The following TRAPPC10 variants were observed in gnomAD, a reference collection of about 807,000 sequenced individuals.
TRAPPC10 encodes TRAPP 130 kDa subunit.
TRAPPC10 carries 23 observed loss-of-function variants against 125.5 expected under a neutral mutation model. The observed-to-expected ratio is 0.18, with a 90% CI of 0.13 to 0.26. TRAPPC10 has a LOEUF of 0.26. Ranked by LOEUF, TRAPPC10 falls within the 10% of genes least tolerant of loss-of-function variation. The pLI, the probability that TRAPPC10 is intolerant of heterozygous loss-of-function variation, is 1.00. For synonymous variants in TRAPPC10, 509 were observed against 518.0 expected, an observed-to-expected ratio of 0.98 and a Z score of 0.24; for missense variants, 1,123 against 1,308.4, an observed-to-expected ratio of 0.86 and a Z score of 2.19.
At chr21:44,024,076 G>A (rs900821227) in intron 1 of TRAPPC10, among the ~76,000 whole-genome samples, 2 of 152,204 alleles carry the variant, frequency 1.3e-5, no homozygotes, top group African/African-American at 2.4e-5. Context: ...GTGAGCCACC[G>A]CACCAGCCTA....
At position 44,045,846 on chromosome 21, in the gene TRAPPC10, G is replaced by A. The variant is rs891768593; in HGVS notation, c.286-6434G>A. ...GCTGGGATTACAGGCGTGAGCCACC[G>A]CACCGGGCCAAGATTTTTTTTCTTT... On this transcript the variant is annotated intron_variant, in intron 3 of 22. Coordinates refer to ENST00000291574, the MANE Select transcript of TRAPPC10 (RefSeq NM_003274.5). Among the ~76,000 whole-genome samples the A allele has an allele frequency of 1.6e-4, 24 of 152,182 alleles. No individual in the cohort carries two copies. In the East Asian group the frequency reaches 2.1e-3, roughly 13 times the overall value.
At position 44,087,457 on chromosome 21, in the gene TRAPPC10, C is replaced by T. The variant is rs531018973; in HGVS notation, c.2540-242C>T. On this transcript the variant is annotated intron_variant, in intron 16 of 22. Transcript: ENST00000291574. This position sits in a 1 kb window ranked among gnomAD's most constrained non-coding sequence, Gnocchi z 4.6. ...ACCTACACAGGACTTGGGTGGGCCC[C>T]GTGGGAAATGCCCTTTTCCTCTCTT... Among the ~76,000 whole-genome samples the T allele has an allele frequency of 1.1e-4, 16 of 152,316 alleles. No homozygotes were observed. Among genetic ancestry groups the T allele is most frequent in the South Asian group, 4.1e-4 (2 of 4,828 alleles).
At chr21:44,091,877 A>G (rs994669321) in intron 18 of TRAPPC10, 46 bp from the exon 19 acceptor site, 1 of 1,585,264 alleles carries the variant, frequency 6.3e-7, no homozygotes, top group Non-Finnish European at 8.6e-7. Flanking sequence ...TATATTTAAT[A>G]AAGTTCTTAC....
intron 3 of TRAPPC10, among the ~76,000 whole-genome samples, chr21:44,044,250 T>C (rs1183441451): frequency 6.6e-6 from 1 of 151,816 alleles, no homozygotes; most frequent in Non-Finnish European, 1.5e-5. Flanking sequence ...ACATTTTTAT[T>C]GTTAGCTTTA....
At chr21:44,091,631 G>T (rs1233128428) in intron 18 of TRAPPC10, 1 of 268,846 alleles carries the variant, frequency 3.7e-6, no homozygotes, top group Non-Finnish European at 7.3e-6. Context: ...GTAGAGATGG[G>T]GTTTCACCAT....
chr21:44,014,637 G>A (rs889692903), intron 1 of TRAPPC10, among the ~76,000 whole-genome samples: 11 of 148,808 alleles, frequency 7.4e-5, no homozygotes, highest in African/African-American at 2.5e-4. Context: ...CCATGTTGGT[G>A]AGGCTGGTCT....
intron 18 of TRAPPC10, 54 bp downstream of exon 18, chr21:44,089,987 T>A: frequency 7.2e-7 from 1 of 1,394,326 alleles, no homozygotes; most frequent in Non-Finnish European, 1.0e-6. Flanking sequence ...CTCTTCTAAG[T>A]GGAGGTTCCT....
intron 7 of TRAPPC10, among the ~76,000 whole-genome samples, chr21:44,074,104 A>T (rs935807321): frequency 1.3e-5 from 2 of 152,216 alleles, no homozygotes; most frequent in African/African-American, 2.4e-5. Flanking sequence ...AACACATTTG[A>T]ATATAGGTCA....
chr21:44,047,565 T>TGTGTGC (rs954810521), intron 3 of TRAPPC10, among the ~76,000 whole-genome samples: 135 of 147,204 alleles, frequency 9.2e-4, no homozygotes, highest in East Asian at 2.0e-3. Flanking sequence ...TGTGTGTGTG[T>TGTGTGC]GCGCGCACAC....
intron 7 of TRAPPC10, among the ~76,000 whole-genome samples, chr21:44,070,346 T>C (rs567362717): frequency 6.6e-6 from 1 of 152,372 alleles, no homozygotes; most frequent in South Asian, 2.1e-4. Context: ...TTAAGAAGTC[T>C]GTTATTCACA....
At position 44,047,565 on chromosome 21, in the gene TRAPPC10, TGC is replaced by T. The variant is rs58154844; in HGVS notation, c.286-4710_286-4709del. On this transcript the variant is annotated intron_variant, in intron 3 of 22. Coordinates refer to ENST00000291574, the MANE Select transcript of TRAPPC10 (RefSeq NM_003274.5). ...GTGTGTGTGTGTGTGTGTGTGTGTGTGCGCGCACACGCTACATGAAGTTCCAT... is the reference window on the plus strand; with the variant it reads ...GTGTGTGTGTGTGTGTGTGTGTGTGTGCGCACACGCTACATGAAGTTCCAT... Among the ~76,000 whole-genome samples the T allele has an allele frequency of 2.0e-3, 300 of 147,180 alleles. 1 individual carries two copies. Among genetic ancestry groups the T allele is most frequent in the African/African-American group, 7.2e-3 (278 of 38,704 alleles).
At position 44,075,305 on chromosome 21, in the gene TRAPPC10, A is replaced by G. The variant is rs1601763692; in HGVS notation, c.1300+152A>G. On this transcript the variant is annotated intron_variant, in intron 9 of 22. Coordinates refer to ENST00000291574, the MANE Select transcript of TRAPPC10 (RefSeq NM_003274.5). ...CATTGTTAGCTGACTGGATTAAAGC[A>G]CATGATAGTTTACCTTTTAACAGCA... The G allele has an allele frequency of 2.7e-5, 16 of 603,742 alleles. No individual in the cohort carries two copies. The East Asian group carries it at 4.4e-4, about 17-fold the overall frequency. The allele number at this position is 603,742 out of a possible 1,614,324, so 37.4% of individuals were successfully genotyped here. A position where few individuals can be genotyped will look rare whatever the true frequency, so the allele number is the denominator to read the frequency against.
chr21:44,014,655 C>T (rs76346659), intron 1 of TRAPPC10, among the ~76,000 whole-genome samples: 7 of 150,684 alleles, frequency 4.6e-5, no homozygotes. Context: ...TCTCGAACTC[C>T]TGACCTTGGG....
In TRAPPC10 at chr21:44,087,658, C is replaced by T. The variant is rs148357886; in HGVS notation, c.2540-41C>T. ...CTGTAAGGAAAAGGACAAGTGAAAC[C>T]GAGGGAACAGCTTTGAAGTGACTTT... On this transcript the variant is annotated intron_variant, in intron 16 of 22. Transcript: ENST00000291574. This position sits in a 1 kb window ranked among gnomAD's most constrained non-coding sequence, Gnocchi z 4.6. 3,060 of 1,573,330 alleles carry T rather than the reference C, an allele frequency of 1.9e-3. 6 individuals are homozygous for T. The highest frequency in any genetic ancestry group is 2.4e-3 in the Non-Finnish European group (2,710 of 1,150,740).
At chr21:44,026,913 C>T (rs2033124055) in intron 1 of TRAPPC10, among the ~76,000 whole-genome samples, 1 of 152,202 alleles carries the variant, frequency 6.6e-6, no homozygotes, top group African/African-American at 2.4e-5. Flanking sequence ...AAATCCATTT[C>T]TCTGTCTTTC....
chr21:44,036,404 G>A (rs1187867140), intron 2 of TRAPPC10, among the ~76,000 whole-genome samples: 5 of 152,208 alleles, frequency 3.3e-5, no homozygotes, highest in Admixed American at 3.3e-4. Flanking sequence ...TGAGCCACAG[G>A]TGCTGAGAGA....
intron 1 of TRAPPC10, among the ~76,000 whole-genome samples, chr21:44,015,253 G>C (rs1025420893): frequency 6.6e-6 from 1 of 152,096 alleles, no homozygotes; most frequent in Non-Finnish European, 1.5e-5. Flanking sequence ...CAGTGAAAAT[G>C]CATTCTGCTT....
chr21:44,062,472 C>A lies in TRAPPC10; in HGVS notation c.791-1066C>A, dbSNP rs969693661. On this transcript the variant is annotated intron_variant, in intron 6 of 22. Transcript: ENST00000291574. ...GAGCTTAGATAGGGCACTGGAGTGGCCTCCCTGTGGGGGCGGCACTGGCAC... is the reference window on the plus strand; with the variant it reads ...GAGCTTAGATAGGGCACTGGAGTGGACTCCCTGTGGGGGCGGCACTGGCAC... 3.3e-6 allele frequency: 3 copies of A among 908,964 alleles called. No individual in the cohort carries two copies. The African/African-American group carries it at 5.4e-5, about 16-fold the overall frequency. 56.3% of individuals were successfully genotyped at this position (908,964 alleles called of 1,614,324 possible).
intron 2 of TRAPPC10, among the ~76,000 whole-genome samples, chr21:44,034,189 G>A (rs1449557444): frequency 6.6e-6 from 1 of 152,122 alleles, no homozygotes; most frequent in Non-Finnish European, 1.5e-5. Context: ...TTCTGACAAG[G>A]GACAAAGTGC....
Sources: allele counts gnomAD v4.1 joint callset (sites outside exome capture counted in the v4.1 genomes callset), GRCh38; gene constraint gnomAD v4.1.1; non-coding constraint Gnocchi (gnomAD v3.1); transcripts MANE v1.5; gene names NCBI Gene and HGNC (gene_info 2026-07-23, HGNC 2026-07-21).